The following ACAA2 variants were observed in gnomAD, a reference collection of about 807,000 sequenced individuals.
ACAA2 encodes the protein acetyl-CoA acyltransferase 2, also known as 3-ketoacyl-CoA thiolase, mitochondrial.
ACAA2 carries 35 observed loss-of-function variants against 44.8 expected under a neutral mutation model. The ratio of observed to expected loss-of-function variants is 0.78; its 90% CI spans 0.60 to 1.04. The LOEUF is 1.04. Among genes scored for constraint, ACAA2 ranks in the 50% least tolerant of loss-of-function variants. ACAA2 has a pLI of 0.00. For missense variants in ACAA2, 468 were observed against 482.6 expected (o/e 0.97, Z 0.28); for synonymous variants, 142 against 166.5 (o/e 0.85, Z 1.13).
chr18:49,803,963 C>T (rs964042283), intron 1 of ACAA2, among the ~76,000 whole-genome samples: 3 of 147,660 alleles, frequency 2.0e-5, no homozygotes, highest in Admixed American at 6.8e-5. Flanking sequence ...CAGGCTGGAG[C>T]GCAGTGGCGC....
intron 2 of ACAA2, among the ~76,000 whole-genome samples, chr18:49,801,389 A>G (rs77983677): frequency 0.084 from 12,766 of 152,240 alleles, 660 homozygotes; most frequent in African/African-American, 0.15. Context: ...ACATGCTGGG[A>G]AAAAAATATT....
chr18:49,794,502 T>G lies in ACAA2; in HGVS notation c.430-75A>C, dbSNP rs552858845. 3.0e-4 allele frequency: 346 copies of G among 1,165,476 alleles called. 2 individuals carry two copies. Among genetic ancestry groups the G allele is most frequent in the Middle Eastern group, 1.8e-3 (6 of 3,402 alleles). The allele number at this position is 1,165,476 out of a possible 1,614,324, so 72.2% of individuals were successfully genotyped here. ...AGTAATATGTTATAATTTCTTTAAATAATCAACACTTCCAATAAACAAAAG... is the reference window on the plus strand; with the variant it reads ...AGTAATATGTTATAATTTCTTTAAAGAATCAACACTTCCAATAAACAAAAG... On this transcript the variant is annotated intron_variant, in intron 4 of 9. Coordinates refer to ENST00000285093, the MANE Select transcript of ACAA2 (RefSeq NM_006111.3).
Position 49,795,526 on chromosome 18 carries a change from C to A in ACAA2, c.429+239G>T, listed in dbSNP as rs986370562. On this transcript the variant is annotated intron_variant, in intron 4 of 9. Coordinates refer to ENST00000285093, the MANE Select transcript of ACAA2 (RefSeq NM_006111.3). ...TGGCCACTTACACAGGATAATTATA[C>A]TACTAGAGGTCTGCTGAGATAGATA... 1.2e-4 allele frequency among the ~76,000 whole-genome samples: 18 copies of A among 152,226 alleles called. No homozygotes were observed. The East Asian group carries it at 3.1e-3, about 26-fold the overall frequency.
Position 49,794,382 on chromosome 18 carries a change from G to A in ACAA2, c.475C>T (p.Leu159Phe), listed in dbSNP as rs1296824835. 3.1e-6 allele frequency: 5 copies of A among 1,610,010 alleles called. No individual in the cohort carries two copies. The highest frequency in any genetic ancestry group is 1.3e-5 in the African/African-American group (1 of 74,726). Residue 159 changes from leucine (L) to phenylalanine (F), a missense_variant, in exon 5 of 10, where the codon CTC (leucine) becomes TTC (phenylalanine). Leu to Phe is a conservative substitution (Grantham distance 22). Coordinates refer to ENST00000285093, the MANE Select transcript of ACAA2 (RefSeq NM_006111.3). ...TTCTCTGCAGTCATTGCCATGGGGA[G>A]CTGGACATGCTGATCTGTTAATGAT... ...WVSLTDQHVQ[L>F]PMAMTAENLA...
rs1012475417 is a variant in ACAA2, at chr18:49,787,659, T to A, written c.884-298A>T. Among the ~76,000 whole-genome samples the A allele has an allele frequency of 2.1e-4, 32 of 151,706 alleles. 1 individual carries two copies. The highest frequency in any genetic ancestry group is 4.6e-4 in the African/African-American group (19 of 41,308). On this transcript the variant is annotated intron_variant, in intron 7 of 9. Transcript: ENST00000285093. ...CCCCATCTCTAAAAAAGAAAAAAAATAATAATAAAAATAAAATGGAACCAA... is the reference window on the plus strand; with the variant it reads ...CCCCATCTCTAAAAAAGAAAAAAAAAAATAATAAAAATAAAATGGAACCAA...
intron 1 of ACAA2, among the ~76,000 whole-genome samples, chr18:49,806,770 C>A (rs1040721718): frequency 2.0e-5 from 3 of 152,034 alleles, no homozygotes; most frequent in African/African-American, 7.2e-5. Context: ...AAACATAGGA[C>A]ATCTCAGTAA....
chr18:49,808,431 G>A (rs1379741606), intron 1 of ACAA2, among the ~76,000 whole-genome samples: 1 of 152,170 alleles, frequency 6.6e-6, no homozygotes, highest in Non-Finnish European at 1.5e-5. Flanking sequence ...GTTAAAACTT[G>A]AAGGCAACCA....
chr18:49,810,414 T>A (rs188972759), intron 1 of ACAA2, among the ~76,000 whole-genome samples: 1 of 152,302 alleles, frequency 6.6e-6, no homozygotes, highest in Admixed American at 6.5e-5. Flanking sequence ...CATTTGTCTC[T>A]CTACAAAGTT....
intron 2 of ACAA2, among the ~76,000 whole-genome samples, chr18:49,799,364 G>A (rs920964506): frequency 9.2e-5 from 14 of 152,056 alleles, no homozygotes; most frequent in African/African-American, 2.7e-4. Context: ...GCAGGCACGC[G>A]CCGCCACGCC....
At chr18:49,793,198 A>G (rs1220598429) in intron 5 of ACAA2, among the ~76,000 whole-genome samples, 3 of 152,250 alleles carry the variant, frequency 2.0e-5, no homozygotes, top group Non-Finnish European at 4.4e-5. Context: ...TAATACAATT[A>G]TAAGTAAAAC....
At chr18:49,803,551 C>A (rs2023580699) in intron 1 of ACAA2, among the ~76,000 whole-genome samples, 1 of 152,152 alleles carries the variant, frequency 6.6e-6, no homozygotes, top group Non-Finnish European at 1.5e-5. Context: ...CTTCTTTAAT[C>A]CAGTGTCTGA....
At chr18:49,804,334 T>A (rs2023589451) in intron 1 of ACAA2, among the ~76,000 whole-genome samples, 1 of 152,204 alleles carries the variant, frequency 6.6e-6, no homozygotes, top group Non-Finnish European at 1.5e-5. Flanking sequence ...TATATGCTGC[T>A]ACCGGTTCTA....
At chr18:49,803,437 C>T (rs1450045973) in intron 1 of ACAA2, among the ~76,000 whole-genome samples, 1 of 152,176 alleles carries the variant, frequency 6.6e-6, no homozygotes, top group African/African-American at 2.4e-5. Flanking sequence ...CAGGTGGACC[C>T]CTTAGAGTTG....
At chr18:49,807,079 G>A (rs2023616907) in intron 1 of ACAA2, among the ~76,000 whole-genome samples, 1 of 152,156 alleles carries the variant, frequency 6.6e-6, no homozygotes, top group African/African-American at 2.4e-5. Flanking sequence ...CAAACAAAAT[G>A]AATCCAGGCA....
chr18:49,808,165 G>C (rs971567326), intron 1 of ACAA2, among the ~76,000 whole-genome samples: 2 of 152,050 alleles, frequency 1.3e-5, no homozygotes, highest in Non-Finnish European at 2.9e-5. Flanking sequence ...TTAGTCTTTT[G>C]GATTTTAGAA....
At chr18:49,812,245 A>G (rs552753991) in intron 1 of ACAA2, among the ~76,000 whole-genome samples, 3 of 152,252 alleles carry the variant, frequency 2.0e-5, no homozygotes, top group Non-Finnish European at 4.4e-5. Flanking sequence ...GGTTCTTCTC[A>G]CTTTCAGATC....
At chr18:49,784,673 A>AGGAG (rs1193599223) in intron 9 of ACAA2, among the ~76,000 whole-genome samples, 1 of 152,168 alleles carries the variant, frequency 6.6e-6, no homozygotes, top group Non-Finnish European at 1.5e-5. Context: ...CAAAAATAGA[A>AGGAG]GAGCTCCTCC....
chr18:49,813,443 GGA>G, intron 1 of ACAA2, 24 bp downstream of exon 1: 5 of 1,240,262 alleles, frequency 4.0e-6, no homozygotes, highest in Non-Finnish European at 4.1e-6. Context: ...CGAGGGGCGA[GGA>G]GAGGAGGAGG....
chr18:49,803,911 T>C (rs1277134354), intron 1 of ACAA2, among the ~76,000 whole-genome samples: 2 of 145,090 alleles, frequency 1.4e-5, no homozygotes, highest in East Asian at 3.9e-4. Flanking sequence ...GATATTGCTT[T>C]TTTTTTTTTT....
Sources: gnomAD v4.1 joint callset for allele counts (sites outside exome capture counted in the v4.1 genomes callset) on GRCh38, gnomAD v4.1.1 for gene constraint, MANE v1.5 for transcripts, NCBI Gene and HGNC (gene_info 2026-07-23, HGNC 2026-07-21) for gene names.